AP2A1: variants seen among roughly 807,000 people sequenced by gnomAD.
AP2A1 encodes the protein adaptor related protein complex 2 subunit alpha 1, also known as AP-2 complex subunit alpha-1.
In AP2A1, 21 loss-of-function variants were observed where a neutral mutation model predicts 107.3. That is an observed-to-expected ratio of 0.20 (90% CI 0.14 to 0.28). AP2A1 has a LOEUF of 0.28. AP2A1 is among the 10% of genes least tolerant of loss of function. The probability of loss-of-function intolerance (pLI) is 1.00; values close to 1 mark genes in which losing one functional copy is unlikely to be tolerated. For missense variants in AP2A1, 873 were observed against 1,307.7 expected, an observed-to-expected ratio of 0.67 and a Z score of 5.13; for synonymous variants, 602 against 564.8, an observed-to-expected ratio of 1.07 and a Z score of -0.93.
At chr19:49,768,655 G>C (rs1466279172) in intron 1 of AP2A1, among the ~76,000 whole-genome samples, 2 of 152,128 alleles carry the variant, frequency 1.3e-5, no homozygotes. Context: ...GGAAACAGTT[G>C]AGTATCAGTT....
At chr19:49,801,945 G>A (rs1218258285) in intron 14 of AP2A1, 36 bp from the exon 15 acceptor site, 2 of 1,458,940 alleles carry the variant, frequency 1.4e-6, no homozygotes. Context: ...CCTGCCGGGC[G>A]CCGCCTGTCC....
chr19:49,803,486 G>C, intron 18 of AP2A1, 110 bp downstream of exon 18: 1 of 851,722 alleles, frequency 1.2e-6, no homozygotes, highest in African/African-American at 1.7e-5. Context: ...TCTTGGGCAC[G>C]CAATTAGTTC....
intron 7 of AP2A1, chr19:49,797,094 C>A (rs1272434571): frequency 6.6e-6 from 1 of 152,206 alleles, no homozygotes; most frequent in Non-Finnish European, 1.5e-5. Context: ...CCCAGAAGGC[C>A]CAGCTGGTAA....
At chr19:49,791,040 G>A (rs1448922753) in intron 4 of AP2A1, among the ~76,000 whole-genome samples, 1 of 152,172 alleles carries the variant, frequency 6.6e-6, no homozygotes, top group East Asian at 1.9e-4. Context: ...TTCCCTCCCT[G>A]TCCTATCTGC....
At chr19:49,767,299 T>C (rs2084512755) in intron 1 of AP2A1, 99 bp downstream of exon 1, 2 of 1,454,412 alleles carry the variant, frequency 1.4e-6, no homozygotes, top group Non-Finnish European at 9.4e-7. Context: ...ATCAAAAGCC[T>C]CTGCGGCCGT....
At position 49,806,978 on chromosome 19, in the gene AP2A1, C is replaced by A. The variant is rs1212118149; in HGVS notation, c.*220C>A. On this transcript the variant is annotated 3_prime_UTR_variant, in exon 23 of 23. Coordinates refer to ENST00000354293, the MANE Select transcript of AP2A1 (RefSeq NM_130787.3). The stretch of plus-strand genomic sequence containing the variant: ...GAGTCCCCCTCCCTCCCTTTCCCCC[C>A]CAAGCACAGAGGGGAGAGGGGCCAG... The A allele has an allele frequency of 6.5e-7, 1 of 1,530,528 alleles. No homozygotes were observed. The highest frequency in any genetic ancestry group is 8.7e-7 in the Non-Finnish European group (1 of 1,144,484). 94.8% of individuals were successfully genotyped at this position (1,530,528 alleles called of 1,614,324 possible).
In AP2A1 at chr19:49,788,600, G is replaced by T. The variant is rs971549949; in HGVS notation, c.474-3335G>T. 6.6e-6 allele frequency among the ~76,000 whole-genome samples: 1 copy of T among 151,664 alleles called. No homozygotes were observed. The highest frequency in any genetic ancestry group is 2.4e-5 in the African/African-American group (1 of 41,266). ...CTCAGGAGATGTGCGCCGTGGCAGCGATGGGAAAGTGGCCCAGAGTCAGGG... is the reference window on the plus strand; with the variant it reads ...CTCAGGAGATGTGCGCCGTGGCAGCTATGGGAAAGTGGCCCAGAGTCAGGG... On this transcript the variant is annotated intron_variant, in intron 4 of 22. Transcript: ENST00000354293. This position sits in a 1 kb window ranked among gnomAD's most constrained non-coding sequence, Gnocchi z 4.5.
At chr19:49,800,908 C>G in intron 11 of AP2A1, 53 bp from the exon 12 acceptor site, 1 of 1,483,448 alleles carries the variant, frequency 6.7e-7, no homozygotes, top group Non-Finnish European at 9.2e-7. Context: ...CCCACCGATC[C>G]CGGAGAGGGC....
chr19:49,777,074 C>T (rs534435119), intron 1 of AP2A1, among the ~76,000 whole-genome samples: 6 of 129,178 alleles, frequency 4.6e-5, no homozygotes, highest in South Asian at 2.7e-4. Context: ...ACTAAAAATG[C>T]GGAAAAAAAA....
intron 4 of AP2A1, among the ~76,000 whole-genome samples, chr19:49,787,334 G>GTTTTGTTTTTTT (rs1298524155): frequency 9.2e-6 from 1 of 108,502 alleles, no homozygotes; most frequent in Non-Finnish European, 1.8e-5. Context: ...GGCTTTTTTT[G>GTTTTGTTTTTTT]TTTGTTTTTT....
chr19:49,775,899 C>T (rs1369459998), intron 1 of AP2A1, among the ~76,000 whole-genome samples: 1 of 152,178 alleles, frequency 6.6e-6, no homozygotes, highest in Non-Finnish European at 1.5e-5. Context: ...GACAGGATGC[C>T]TTTGCTGGTA....
At chr19:49,783,213 C>A (rs1252165916) in intron 4 of AP2A1, among the ~76,000 whole-genome samples, 1 of 152,124 alleles carries the variant, frequency 6.6e-6, no homozygotes, top group African/African-American at 2.4e-5. Flanking sequence ...GTAGAATTTG[C>A]CAGGTGCGAT....
chr19:49,795,586 C>CGA, intron 6 of AP2A1, 44 bp from the exon 7 acceptor site: 1 of 727,796 alleles, frequency 1.4e-6, no homozygotes. Flanking sequence ...CCACGTGCCC[C>CGA]TCCCACCCCA....
chr19:49,771,047 T>A (rs889650421), intron 1 of AP2A1, among the ~76,000 whole-genome samples: 3 of 151,860 alleles, frequency 2.0e-5, no homozygotes, highest in Non-Finnish European at 4.4e-5. Flanking sequence ...AGACGGGGTT[T>A]TTACATGTTG....
rs936361274 is a variant in AP2A1, at chr19:49,785,653, A to G, written c.473+2929A>G. Among the ~76,000 whole-genome samples the G allele has an allele frequency of 6.6e-6, 1 of 152,066 alleles. No homozygotes were observed. Among genetic ancestry groups the G allele is most frequent in the African/African-American group, 2.4e-5 (1 of 41,404 alleles). ...AAATACAGGCCAGGCACAGCAGCTC[A>G]CACCCGTAATCCCAGCACCTTGGGA... On this transcript the variant is annotated intron_variant, in intron 4 of 22. Transcript: ENST00000354293. This position sits in a 1 kb window ranked among gnomAD's most constrained non-coding sequence, Gnocchi z 4.1.
At chr19:49,792,733 C>T (rs1474264707) in intron 5 of AP2A1, among the ~76,000 whole-genome samples, 2 of 152,170 alleles carry the variant, frequency 1.3e-5, no homozygotes, top group Non-Finnish European at 2.9e-5. Flanking sequence ...AGAGTCTCGC[C>T]CCTTCACTGC....
intron 1 of AP2A1, among the ~76,000 whole-genome samples, chr19:49,776,745 T>G (rs1415653053): frequency 6.6e-6 from 1 of 152,162 alleles, no homozygotes; most frequent in Non-Finnish European, 1.5e-5. Context: ...ATCCCTGGGC[T>G]CCCTGGCCAT....
chr19:49,792,220 C>G (rs1208924826), intron 5 of AP2A1, among the ~76,000 whole-genome samples, 156 bp downstream of exon 5: 2 of 148,058 alleles, frequency 1.4e-5, no homozygotes, highest in African/African-American at 2.5e-5. Context: ...GGGGCTCCCA[C>G]CTCAGCCCTC....
At chr19:49,799,066 T>C (rs1391732330) in intron 8 of AP2A1, 114 bp downstream of exon 8, 1 of 1,406,552 alleles carries the variant, frequency 7.1e-7, no homozygotes, top group Non-Finnish European at 9.6e-7. Flanking sequence ...TTAGGTAGGG[T>C]AGGAGGAGGA....
Sources: allele counts gnomAD v4.1 joint callset (sites outside exome capture counted in the v4.1 genomes callset), GRCh38; gene constraint gnomAD v4.1.1; non-coding constraint Gnocchi (gnomAD v3.1); transcripts MANE v1.5; gene names NCBI Gene and HGNC (gene_info 2026-07-23, HGNC 2026-07-21).